GRIN2B: variants seen among roughly 807,000 people sequenced by gnomAD.
The protein encoded by GRIN2B is glutamate receptor ionotropic, NMDA 2B.
A neutral mutation model predicts 114.5 loss-of-function variants in GRIN2B; 5 were observed. That is an observed-to-expected ratio of 0.04 (90% CI 0.02 to 0.09). The LOEUF (loss-of-function observed/expected upper bound fraction) is 0.09. Among genes scored for constraint, GRIN2B ranks in the 10% least tolerant of loss-of-function variants. GRIN2B has a pLI of 1.00. For synonymous variants in GRIN2B, 787 were observed against 745.1 expected (o/e 1.06, Z -0.92); for missense variants, 1,108 against 1,943.5 (o/e 0.57, Z 8.08).
chr12:13,740,408 G>A (rs923643275), intron 4 of GRIN2B, among the ~76,000 whole-genome samples: 5 of 152,122 alleles, frequency 3.3e-5, no homozygotes, highest in Non-Finnish European at 7.4e-5. Context: ...GTGTCACTCA[G>A]TGAATTAAGA....
At chr12:13,666,577 A>AT (rs950570449) in intron 5 of GRIN2B, among the ~76,000 whole-genome samples, 1 of 152,186 alleles carries the variant, frequency 6.6e-6, no homozygotes. Context: ...TTTAAATTTT[A>AT]TTTTTTTGTT....
intron 5 of GRIN2B, among the ~76,000 whole-genome samples, chr12:13,637,257 TA>T (rs1341374512): frequency 6.6e-6 from 1 of 152,070 alleles, no homozygotes; most frequent in Non-Finnish European, 1.5e-5. Context: ...AGTTGCAGGG[TA>T]GTATGCAAGA....
chr12:13,623,900 T>A (rs1437021791), intron 5 of GRIN2B, among the ~76,000 whole-genome samples: 1 of 152,240 alleles, frequency 6.6e-6, no homozygotes, highest in Admixed American at 6.5e-5. Flanking sequence ...TACTTTTGCA[T>A]GTAGCTTTTC....
Position 13,901,379 on chromosome 12 carries a change from C to T in GRIN2B, c.-18-35153G>A, listed in dbSNP as rs535621590. ...TTCATTTCTTTATACATTATGGATA[C>T]TTTAAACAGATATAAATGAATATAA... On this transcript the variant is annotated intron_variant, in intron 2 of 13. Coordinates refer to ENST00000609686, the MANE Select transcript of GRIN2B (RefSeq NM_000834.5). Among the ~76,000 whole-genome samples the T allele has an allele frequency of 1.2e-4, 18 of 152,082 alleles. No homozygotes were observed. In the East Asian group the frequency reaches 2.7e-3, roughly 23 times the overall value.
chr12:13,614,016 CAAAA>C (rs77527098), intron 8 of GRIN2B, among the ~76,000 whole-genome samples: 23 of 92,892 alleles, frequency 2.5e-4, no homozygotes, highest in East Asian at 1.9e-3. Context: ...CCTTGCACAG[CAAAA>C]AAAAAAAAAA....
At chr12:13,870,779 T>A (rs1231182802) in intron 2 of GRIN2B, among the ~76,000 whole-genome samples, 1 of 152,120 alleles carries the variant, frequency 6.6e-6, no homozygotes, top group East Asian at 1.9e-4. Context: ...CAGGTCCAGT[T>A]TTCCAAGCTA....
intron 10 of GRIN2B, among the ~76,000 whole-genome samples, chr12:13,607,322 TATATAATATATA>T (rs1949277354): frequency 1.7e-5 from 1 of 59,268 alleles, no homozygotes; most frequent in Non-Finnish European, 3.1e-5. Context: ...TAATATAAAA[TATATAATATATA>T]TTATATATAA....
At chr12:13,880,578 T>A (rs1420058774) in intron 2 of GRIN2B, among the ~76,000 whole-genome samples, 3 of 152,186 alleles carry the variant, frequency 2.0e-5, no homozygotes, top group African/African-American at 7.2e-5. Flanking sequence ...GCATGGAAAT[T>A]CCTTCCCTGC....
intron 3 of GRIN2B, among the ~76,000 whole-genome samples, chr12:13,799,416 C>G (rs1864468410): frequency 6.6e-6 from 1 of 152,156 alleles, no homozygotes; most frequent in Non-Finnish European, 1.5e-5. Context: ...GACTGTCAAT[C>G]TGGCACCAAA....
At chr12:13,955,425 C>T (rs1382133865) in intron 2 of GRIN2B, among the ~76,000 whole-genome samples, 1 of 152,168 alleles carries the variant, frequency 6.6e-6, no homozygotes, top group Non-Finnish European at 1.5e-5. Flanking sequence ...AGACTCACCA[C>T]ACGTCTGCAG....
At chr12:13,565,039 A>C (rs1948619863) in intron 13 of GRIN2B, among the ~76,000 whole-genome samples, 1 of 152,238 alleles carries the variant, frequency 6.6e-6, no homozygotes, top group African/African-American at 2.4e-5. Flanking sequence ...GCCTCCTGGA[A>C]ATAAACGGCC....
chr12:13,960,534 G>A (rs887710040), intron 2 of GRIN2B, among the ~76,000 whole-genome samples: 2 of 152,232 alleles, frequency 1.3e-5, no homozygotes. Flanking sequence ...TGCGGAGAGG[G>A]TACTGGGGGC....
At chr12:13,712,865 G>T (rs1244715549) in intron 4 of GRIN2B, among the ~76,000 whole-genome samples, 1 of 151,858 alleles carries the variant, frequency 6.6e-6, no homozygotes, top group African/African-American at 2.4e-5. Flanking sequence ...AGTTCTTGGA[G>T]ATAGCTTCTC....
At chr12:13,568,554 AT>A (rs971744653) in intron 12 of GRIN2B, among the ~76,000 whole-genome samples, 1 of 152,132 alleles carries the variant, frequency 6.6e-6, no homozygotes, top group Non-Finnish European at 1.5e-5. Flanking sequence ...CTTTTCCCTT[AT>A]TTTTTTGATC....
intron 2 of GRIN2B, among the ~76,000 whole-genome samples, chr12:13,943,717 C>T (rs544206678): frequency 6.6e-6 from 1 of 152,340 alleles, no homozygotes; most frequent in South Asian, 2.1e-4. Context: ...TGCCTCTCTG[C>T]TCAATGTCAC....
intron 10 of GRIN2B, among the ~76,000 whole-genome samples, chr12:13,601,226 A>T (rs927483466): frequency 6.6e-6 from 1 of 152,210 alleles, no homozygotes; most frequent in Non-Finnish European, 1.5e-5. Context: ...TGAAGGCCAG[A>T]AGTTCCAAAA....
chr12:13,879,341 C>T (rs554216978), intron 2 of GRIN2B, among the ~76,000 whole-genome samples: 4 of 152,242 alleles, frequency 2.6e-5, no homozygotes, highest in East Asian at 3.9e-4. Flanking sequence ...CATCTAAATA[C>T]ATCTAACATA....
intron 5 of GRIN2B, among the ~76,000 whole-genome samples, chr12:13,654,275 G>C (rs1265765330): frequency 6.6e-6 from 1 of 152,104 alleles, no homozygotes. Flanking sequence ...GGGAGGAGGT[G>C]GCAAGGGAAA....
intron 3 of GRIN2B, among the ~76,000 whole-genome samples, chr12:13,842,028 T>C (rs1280166227): frequency 1.3e-5 from 2 of 152,134 alleles, no homozygotes; most frequent in East Asian, 3.9e-4. Context: ...CAACTGGCAA[T>C]AGAGGCTGTG....
Sources: allele counts gnomAD v4.1 joint callset (sites outside exome capture counted in the v4.1 genomes callset), GRCh38; gene constraint gnomAD v4.1.1; transcripts MANE v1.5; gene names NCBI Gene and HGNC (gene_info 2026-07-23, HGNC 2026-07-21).